The following MSRB3 variants were observed in gnomAD, a reference collection of about 807,000 sequenced individuals.
MSRB3 encodes the protein methionine sulfoxide reductase B3, also known as methionine-R-sulfoxide reductase B3.
In MSRB3, 13 loss-of-function variants were observed where a neutral mutation model predicts 21.0. That is an observed-to-expected ratio of 0.62 (90% CI 0.40 to 0.98). The LOEUF (loss-of-function observed/expected upper bound fraction) is 0.98, where lower values mean the gene tolerates loss of function less well. MSRB3 is among the 50% of genes least tolerant of loss of function. The probability of loss-of-function intolerance (pLI) is 0.00; values close to 1 mark genes in which losing one functional copy is unlikely to be tolerated. For missense variants in MSRB3, 199 were observed against 230.3 expected (o/e 0.86, Z 0.88); for synonymous variants, 87 against 88.6 (o/e 0.98, Z 0.10).
In MSRB3 at chr12:65,356,198, C is replaced by T. The variant is rs117665112; in HGVS notation, c.264-12800C>T. Among the ~76,000 whole-genome samples, 62 of 151,924 alleles carry T rather than the reference C, an allele frequency of 4.1e-4. No homozygotes were observed. In the East Asian group the frequency reaches 0.012, roughly 28 times the overall value. On this transcript the variant is annotated intron_variant, in intron 4 of 6. Coordinates refer to ENST00000308259, the MANE Select transcript of MSRB3 (RefSeq NM_001031679.3). ...AATTATTTTAGGTGGTCTGTTGGCC[C>T]TGCCTGAGTAATCAATGGAATCTAA...
At chr12:65,350,318 C>T (rs905008570) in intron 4 of MSRB3, among the ~76,000 whole-genome samples, 5 of 151,698 alleles carry the variant, frequency 3.3e-5, no homozygotes, top group Middle Eastern at 6.8e-3. Context: ...TGTAGCCTTG[C>T]AGTATAGTTT....
chr12:65,359,017 T>A (rs1202545077), intron 4 of MSRB3, among the ~76,000 whole-genome samples: 1 of 151,904 alleles, frequency 6.6e-6, no homozygotes, highest in Non-Finnish European at 1.5e-5. Context: ...TATTAACTAA[T>A]GATTTTTAAT....
intron 5 of MSRB3, among the ~76,000 whole-genome samples, chr12:65,379,176 AT>A (rs1878804761): frequency 1.6e-5 from 1 of 60,616 alleles, no homozygotes; most frequent in African/African-American, 5.0e-5. Flanking sequence ...CCTTCCATCC[AT>A]CCATCCATCC....
At chr12:65,452,658 G>A (rs115619598) in intron 5 of MSRB3, among the ~76,000 whole-genome samples, 3,535 of 152,170 alleles carry the variant, frequency 0.023, 161 homozygotes, top group African/African-American at 0.082. Flanking sequence ...CTCTTGCATC[G>A]TGGAGGATGA....
chr12:65,390,898 TA>T (rs1435288184), intron 5 of MSRB3, among the ~76,000 whole-genome samples: 2 of 152,206 alleles, frequency 1.3e-5, no homozygotes, highest in Admixed American at 6.5e-5. Context: ...TTCAGAAATA[TA>T]AAAGGTATAT....
chr12:65,465,981 C>T lies in MSRB3; in HGVS notation c.*2659C>T, dbSNP rs1883554383. 6.6e-6 allele frequency: 1 copy of T among 152,134 alleles called. No individual in the cohort carries two copies. The highest frequency in any genetic ancestry group is 1.5e-5 in the Non-Finnish European group (1 of 68,044). 9.4% of individuals were successfully genotyped at this position (152,134 alleles called of 1,614,324 possible). ...CTCCAGCTCTGTAGGATAGCCTCCCCTGGGGTCCGTGGGACGCGGGCCACA... is the reference window on the plus strand; with the variant it reads ...CTCCAGCTCTGTAGGATAGCCTCCCTTGGGGTCCGTGGGACGCGGGCCACA... On this transcript the variant is annotated 3_prime_UTR_variant, in exon 7 of 7. Transcript: ENST00000308259.
chr12:65,396,790 G>T (rs1036503571), intron 5 of MSRB3, among the ~76,000 whole-genome samples: 1 of 151,850 alleles, frequency 6.6e-6, no homozygotes, highest in African/African-American at 2.4e-5. Flanking sequence ...TCTAGATGTG[G>T]TCTATCTTGG....
At chr12:65,399,657 A>G (rs1410424893) in intron 5 of MSRB3, among the ~76,000 whole-genome samples, 1 of 152,184 alleles carries the variant, frequency 6.6e-6, no homozygotes, top group Non-Finnish European at 1.5e-5. Context: ...GAATGGTGAG[A>G]GAGGGCATCC....
intron 1 of MSRB3, among the ~76,000 whole-genome samples, chr12:65,280,701 A>G (rs1871963975): frequency 6.6e-6 from 1 of 152,152 alleles, no homozygotes; most frequent in South Asian, 2.1e-4. Flanking sequence ...GAATTTTGTC[A>G]CAGTGCTTAA....
chr12:65,371,038 T>A (rs1878287141), intron 5 of MSRB3, among the ~76,000 whole-genome samples: 1 of 152,106 alleles, frequency 6.6e-6, no homozygotes, highest in Non-Finnish European at 1.5e-5. Context: ...AGAAATAAGG[T>A]AGCATAGGGC....
At position 65,382,166 on chromosome 12, in the gene MSRB3, A is replaced by G. The variant is rs17101299; in HGVS notation, c.292+13140A>G. Among the ~76,000 whole-genome samples, 545 of 152,182 alleles carry G rather than the reference A, an allele frequency of 3.6e-3. 3 individuals carry two copies. The highest frequency in any genetic ancestry group is 0.014 in the Middle Eastern group (4 of 294). ...TGATTCACATTGTGGATGGAAGGCT[A>G]TATGTAGATGGTGAGAGATAAAAGA... On this transcript the variant is annotated intron_variant, in intron 5 of 6. Coordinates refer to ENST00000308259, the MANE Select transcript of MSRB3 (RefSeq NM_001031679.3).
At chr12:65,296,936 A>C (rs1873003897) in intron 1 of MSRB3, among the ~76,000 whole-genome samples, 1 of 152,198 alleles carries the variant, frequency 6.6e-6, no homozygotes, top group Non-Finnish European at 1.5e-5. Flanking sequence ...ATGATATCTA[A>C]ATGTATCATA....
intron 4 of MSRB3, among the ~76,000 whole-genome samples, chr12:65,340,237 A>T (rs1435905843): frequency 2.0e-5 from 3 of 152,198 alleles, no homozygotes; most frequent in Non-Finnish European, 4.4e-5. Flanking sequence ...GATGAATTTA[A>T]CAGCATATTA....
intron 4 of MSRB3, among the ~76,000 whole-genome samples, chr12:65,345,115 A>G (rs1330285664): frequency 2.0e-5 from 3 of 152,054 alleles, no homozygotes; most frequent in Non-Finnish European, 4.4e-5. Flanking sequence ...AGCTATTCCT[A>G]AAGATTAATT....
chr12:65,365,377 C>T (rs977476819), intron 4 of MSRB3, among the ~76,000 whole-genome samples: 4 of 151,866 alleles, frequency 2.6e-5, no homozygotes, highest in Admixed American at 6.6e-5. Context: ...TGGGGGCAGG[C>T]GGGATGCTGA....
intron 6 of MSRB3, among the ~76,000 whole-genome samples, chr12:65,461,535 G>T (rs1378390152): frequency 2.0e-5 from 3 of 152,126 alleles, no homozygotes; most frequent in Non-Finnish European, 4.4e-5. Context: ...CTTTTAACAT[G>T]GAAGTGCCAT....
At chr12:65,295,135 T>C (rs1236225835) in intron 1 of MSRB3, among the ~76,000 whole-genome samples, 1 of 152,238 alleles carries the variant, frequency 6.6e-6, no homozygotes, top group Non-Finnish European at 1.5e-5. Flanking sequence ...TGACCTTCCA[T>C]GTTTTATTCA....
At chr12:65,313,203 A>G (rs1258656753) in intron 2 of MSRB3, among the ~76,000 whole-genome samples, 1 of 152,138 alleles carries the variant, frequency 6.6e-6, no homozygotes, top group Non-Finnish European at 1.5e-5. Context: ...TCTTTGCAGC[A>G]AATTATTGTT....
chr12:65,438,209 A>G (rs1168478280), intron 5 of MSRB3, among the ~76,000 whole-genome samples: 4 of 151,932 alleles, frequency 2.6e-5, no homozygotes, highest in African/African-American at 9.7e-5. Context: ...AAAGATCATG[A>G]TTTCCCACCT....
Sources: gnomAD v4.1 joint callset for allele counts (sites outside exome capture counted in the v4.1 genomes callset) on GRCh38, gnomAD v4.1.1 for gene constraint, MANE v1.5 for transcripts, NCBI Gene and HGNC (gene_info 2026-07-23, HGNC 2026-07-21) for gene names.